CFAP77: variants seen among roughly 807,000 people sequenced by gnomAD.
CFAP77 encodes cilia and flagella associated protein 77, also known as cilia- and flagella-associated protein 77.
CFAP77 carries 25 observed loss-of-function variants against 31.1 expected under a neutral mutation model. The ratio of observed to expected loss-of-function variants is 0.80; its 90% CI spans 0.59 to 1.12. The LOEUF (loss-of-function observed/expected upper bound fraction) is 1.12. CFAP77 is among the 50% of genes most tolerant of loss of function. CFAP77 has a pLI of 0.00. For synonymous variants in CFAP77, 151 were observed against 159.9 expected (o/e 0.94, Z 0.42); for missense variants, 377 against 397.3 (o/e 0.95, Z 0.44).
In CFAP77 at chr9:132,501,039, A is replaced by G. The variant is rs1296871054; in HGVS notation, c.524+1439A>G. ...CCAGAGTTATCTTGCTAACACACAG[A>G]TGAAATGAGCCAGACATGACCCATG... is the stretch of plus-strand genomic sequence containing the variant. On this transcript the variant is annotated intron_variant, in intron 3 of 5. Coordinates refer to ENST00000393216, the MANE Select transcript of CFAP77 (RefSeq NM_001282957.2). The surrounding 1 kb of genome is among the most constrained non-coding windows in gnomAD (Gnocchi z 4.6). 6.6e-6 allele frequency among the ~76,000 whole-genome samples: 1 copy of G among 152,244 alleles called. No homozygotes were observed. Among genetic ancestry groups the G allele is most frequent in the East Asian group, 1.9e-4 (1 of 5,202 alleles).
At chr9:132,459,423 GTGTGTGT>G in intron 1 of CFAP77, among the ~76,000 whole-genome samples, 3 of 112,406 alleles carry the variant, frequency 2.7e-5, no homozygotes, top group African/African-American at 1.3e-4. Flanking sequence ...TGAATAGGGT[GTGTGTGT>G]GTGTGTGTGT....
chr9:132,440,687 T>TGC (rs1850601038), intron 1 of CFAP77, among the ~76,000 whole-genome samples: 1 of 152,202 alleles, frequency 6.6e-6, no homozygotes, highest in East Asian at 1.9e-4. Context: ...GTTTACAAAG[T>TGC]ACCCTTGAAT....
Position 132,545,721 on chromosome 9 carries a change from G to A in CFAP77, c.732+2674G>A, listed in dbSNP as rs1300978852. Among the ~76,000 whole-genome samples, 6 of 152,150 alleles carry A rather than the reference G, an allele frequency of 3.9e-5. No individual in the cohort carries two copies. Among genetic ancestry groups the A allele is most frequent in the Admixed American group, 2.6e-4 (4 of 15,272 alleles). ...GTAACACCAACAAAAAGTATTTACC[G>A]AGCCCTTAGAATGCACCCGGCGCTG... is the stretch of plus-strand genomic sequence containing the variant. On this transcript the variant is annotated intron_variant, in intron 5 of 5. Coordinates refer to ENST00000393216, the MANE Select transcript of CFAP77 (RefSeq NM_001282957.2). This position sits in a 1 kb window ranked among gnomAD's most constrained non-coding sequence, Gnocchi z 4.6.
In CFAP77 at chr9:132,499,078, G is replaced by A. The variant is rs1034653341; in HGVS notation, c.295+284G>A. ...GGACTGTGTGCACTATGCTGCTCAC[G>A]TTACAAGAATGGAATGAGACTGGGA... On this transcript the variant is annotated intron_variant, in intron 2 of 5. Coordinates refer to ENST00000393216, the MANE Select transcript of CFAP77 (RefSeq NM_001282957.2). The surrounding 1 kb of genome is among the most constrained non-coding windows in gnomAD (Gnocchi z 5.4). Among the ~76,000 whole-genome samples, 3 of 152,200 alleles carry A rather than the reference G, an allele frequency of 2.0e-5. No homozygotes were observed. Among genetic ancestry groups the A allele is most frequent in the African/African-American group, 4.8e-5 (2 of 41,458 alleles).
chr9:132,570,453 G>A (rs1829943974), intron 5 of CFAP77, among the ~76,000 whole-genome samples: 3 of 152,330 alleles, frequency 2.0e-5, no homozygotes, highest in Non-Finnish European at 4.4e-5. Context: ...GGCTGGGGCT[G>A]GGACTACGAC....
At chr9:132,505,517 G>C (rs960630637) in intron 3 of CFAP77, among the ~76,000 whole-genome samples, 20 of 152,082 alleles carry the variant, frequency 1.3e-4, no homozygotes, top group Non-Finnish European at 1.9e-4. Flanking sequence ...ACTGGGGGCC[G>C]TGTAGACATA....
At chr9:132,533,495 G>A (rs1460862640) in intron 3 of CFAP77, among the ~76,000 whole-genome samples, 1 of 152,228 alleles carries the variant, frequency 6.6e-6, no homozygotes, top group Non-Finnish European at 1.5e-5. Context: ...TCTTCCAGCT[G>A]CTGGCGGCTC....
rs542610277 is a variant in CFAP77, at chr9:132,495,616, G to A, written c.196-3079G>A. ...CTGGGATTTGAGATGGAAAAGAAGC[G>A]GAAGAAAAATGATCAACTGTTGTGT... On this transcript the variant is annotated intron_variant, in intron 1 of 5. Coordinates refer to ENST00000393216, the MANE Select transcript of CFAP77 (RefSeq NM_001282957.2). The surrounding 1 kb of genome is among the most constrained non-coding windows in gnomAD (Gnocchi z 4.2). Among the ~76,000 whole-genome samples, 86 of 152,226 alleles carry A rather than the reference G, an allele frequency of 5.6e-4. No homozygotes were observed. Among genetic ancestry groups the A allele is most frequent in the East Asian group, 7.7e-4 (4 of 5,184 alleles).
intron 5 of CFAP77, among the ~76,000 whole-genome samples, chr9:132,551,430 G>T (rs896178840): frequency 6.6e-6 from 1 of 152,136 alleles, no homozygotes; most frequent in Admixed American, 6.5e-5. Flanking sequence ...TGAGTAGCTG[G>T]GATTACAGAC....
rs565015071 is a variant in CFAP77 at position 132,564,925 on chromosome 9, C to T, written c.733-7463C>T. On this transcript the variant is annotated intron_variant, in intron 5 of 5. Coordinates refer to ENST00000393216, the MANE Select transcript of CFAP77 (RefSeq NM_001282957.2). This position sits in a 1 kb window ranked among gnomAD's most constrained non-coding sequence, Gnocchi z 4.6. The stretch of plus-strand genomic sequence containing the variant: ...GTCTGGCGGCTGGTCTCAGCTCTGC[C>T]CAGGACTCACGGGAGACCTGGGAGG... Among the ~76,000 whole-genome samples the T allele has an allele frequency of 3.9e-4, 59 of 152,114 alleles. No homozygotes were observed. Among genetic ancestry groups the T allele is most frequent in the Admixed American group, 7.9e-4 (12 of 15,278 alleles).
chr9:132,417,603 A>G (rs543644038), intron 1 of CFAP77, among the ~76,000 whole-genome samples: 33 of 152,106 alleles, frequency 2.2e-4, no homozygotes, highest in African/African-American at 5.6e-4. Context: ...GAGACTATTT[A>G]CCCTTTAATC....
intron 5 of CFAP77, among the ~76,000 whole-genome samples, chr9:132,569,648 C>T (rs186966239): frequency 1.4e-4 from 21 of 151,736 alleles, no homozygotes; most frequent in African/African-American, 4.1e-4. Context: ...AGGTCCAAGC[C>T]GGCTGGACAC....
At chr9:132,476,963 G>A (rs956806395) in intron 1 of CFAP77, among the ~76,000 whole-genome samples, 7 of 152,228 alleles carry the variant, frequency 4.6e-5, no homozygotes, top group Non-Finnish European at 7.3e-5. Context: ...CAGAGGCGAT[G>A]GTTTGGGGCC....
At chr9:132,459,964 G>C (rs1352148268) in intron 1 of CFAP77, among the ~76,000 whole-genome samples, 1 of 151,970 alleles carries the variant, frequency 6.6e-6, no homozygotes, top group Admixed American at 6.6e-5. Context: ...GTGCATGAGC[G>C]TGTGCGTGTA....
intron 5 of CFAP77, among the ~76,000 whole-genome samples, chr9:132,559,361 A>G (rs1282377646): frequency 6.6e-6 from 1 of 150,494 alleles, no homozygotes; most frequent in Non-Finnish European, 1.5e-5. Context: ...AAAAAAAAAA[A>G]AAAAAGGCAA....
intron 3 of CFAP77, among the ~76,000 whole-genome samples, chr9:132,515,330 C>G (rs1160264742): frequency 1.3e-5 from 2 of 152,142 alleles, no homozygotes; most frequent in Non-Finnish European, 2.9e-5. Flanking sequence ...GTCTTTGGGT[C>G]CAGGGCAGCT....
At position 132,494,018 on chromosome 9, in the gene CFAP77, T is replaced by C. The variant is rs144323385; in HGVS notation, c.196-4677T>C. Among the ~76,000 whole-genome samples, 300 of 152,114 alleles carry C rather than the reference T, an allele frequency of 2.0e-3. 3 individuals are homozygous for C. Among genetic ancestry groups the C allele is most frequent in the African/African-American group, 6.3e-3 (263 of 41,496 alleles). ...CCTCCACCTCCCGGGTTCAAGTGGT[T>C]CTCCCACCTCAGCCTCCCAAGTAGC... On this transcript the variant is annotated intron_variant, in intron 1 of 5. Coordinates refer to ENST00000393216, the MANE Select transcript of CFAP77 (RefSeq NM_001282957.2).
At chr9:132,563,133 C>G (rs1374609689) in intron 5 of CFAP77, among the ~76,000 whole-genome samples, 1 of 152,118 alleles carries the variant, frequency 6.6e-6, no homozygotes, top group African/African-American at 2.4e-5. Flanking sequence ...AATCCTCCCC[C>G]TCAATCTCCT....
chr9:132,475,821 G>A lies in CFAP77; in HGVS notation c.196-22874G>A, dbSNP rs112121413. Among the ~76,000 whole-genome samples the A allele has an allele frequency of 1.4e-3, 210 of 152,228 alleles. 2 individuals carry two copies. The highest frequency in any genetic ancestry group is 4.6e-3 in the African/African-American group (192 of 41,528). On this transcript the variant is annotated intron_variant, in intron 1 of 5. Transcript: ENST00000393216. ...CTTTCTCCTCTACCCCATCCTGTGC[G>A]CACTGGTAGTAGTCCAGCTTTCCCA...
Sources: gnomAD v4.1 joint callset for allele counts (sites outside exome capture counted in the v4.1 genomes callset) on GRCh38, gnomAD v4.1.1 for gene constraint, Gnocchi (gnomAD v3.1) non-coding constraint, MANE v1.5 for transcripts, NCBI Gene and HGNC (gene_info 2026-07-23, HGNC 2026-07-21) for gene names.